The following SMC6 variants were observed in gnomAD, a reference collection of about 807,000 sequenced individuals.
SMC6 encodes structural maintenance of chromosomes protein 6.
A neutral mutation model predicts 142.2 loss-of-function variants in SMC6; 79 were observed. The ratio of observed to expected loss-of-function variants is 0.56; its 90% CI spans 0.46 to 0.67. The LOEUF (loss-of-function observed/expected upper bound fraction) is 0.67, where lower values mean the gene tolerates loss of function less well. Ranked by LOEUF, SMC6 falls within the 30% of genes least tolerant of loss-of-function variation. SMC6 has a pLI of 0.00. For missense variants in SMC6, 1,072 were observed against 1,284.0 expected (o/e 0.83, Z 2.52); for synonymous variants, 411 against 412.4 (o/e 1.00, Z 0.04).
chr2:17,686,469 G>A (rs1264313942), intron 23 of SMC6, among the ~76,000 whole-genome samples: 1 of 152,100 alleles, frequency 6.6e-6, no homozygotes, highest in Non-Finnish European at 1.5e-5. Context: ...GCAACAGAGT[G>A]AGACTCCGTC....
chr2:17,669,092 G>C (rs1412279415), intron 26 of SMC6, among the ~76,000 whole-genome samples: 2 of 152,184 alleles, frequency 1.3e-5, no homozygotes, highest in Admixed American at 6.5e-5. Flanking sequence ...AGAGACCAAA[G>C]AGCGGTCTTA....
At chr2:17,686,578 C>G (rs760050106) in intron 23 of SMC6, among the ~76,000 whole-genome samples, 1 of 152,150 alleles carries the variant, frequency 6.6e-6, no homozygotes, top group Non-Finnish European at 1.5e-5. Flanking sequence ...CCACACCTGA[C>G]CTCATGGGAC....
intron 15 of SMC6, 56 bp from the exon 16 acceptor site, chr2:17,715,121 A>G: frequency 1.3e-6 from 2 of 1,505,314 alleles, no homozygotes; most frequent in Non-Finnish European, 1.8e-6. Context: ...TGAAATATTA[A>G]CATCCTCCTC....
At chr2:17,698,579 T>A (rs971903111) in intron 21 of SMC6, among the ~76,000 whole-genome samples, 2 of 152,098 alleles carry the variant, frequency 1.3e-5, no homozygotes, top group East Asian at 3.8e-4. Context: ...ATATACCATT[T>A]TCCATCCTTT....
At chr2:17,666,596 C>T (rs1666506506) in intron 26 of SMC6, 79 bp from the exon 27 acceptor site, 7 of 999,102 alleles carry the variant, frequency 7.0e-6, no homozygotes, top group South Asian at 5.4e-5. Flanking sequence ...TGGGCTGATA[C>T]AAGCTCCTGG....
intron 25 of SMC6, among the ~76,000 whole-genome samples, chr2:17,672,736 C>T (rs1458156700): frequency 3.3e-5 from 5 of 152,146 alleles, no homozygotes; most frequent in Non-Finnish European, 5.9e-5. Context: ...TTCTCTCACT[C>T]GCCATTGTCA....
chr2:17,682,461 G>A (rs917238131), intron 24 of SMC6, among the ~76,000 whole-genome samples: 1 of 152,190 alleles, frequency 6.6e-6, no homozygotes, highest in Non-Finnish European at 1.5e-5. Context: ...AATCTGGGGA[G>A]GCAAAATAAA....
intron 25 of SMC6, among the ~76,000 whole-genome samples, chr2:17,672,012 T>A (rs1342516820): frequency 6.6e-6 from 1 of 152,126 alleles, no homozygotes; most frequent in Non-Finnish European, 1.5e-5. Flanking sequence ...AATATTAACA[T>A]TATTAATATT....
chr2:17,695,649 A>G (rs563940983), intron 22 of SMC6, among the ~76,000 whole-genome samples: 17 of 152,328 alleles, frequency 1.1e-4, no homozygotes, highest in South Asian at 2.1e-4. Context: ...CTGAGCACCA[A>G]TGGTATTAAA....
intron 5 of SMC6, among the ~76,000 whole-genome samples, chr2:17,737,037 C>T (rs150081733): frequency 9.9e-4 from 151 of 152,178 alleles, no homozygotes; most frequent in African/African-American, 1.9e-3. Context: ...GAGAGGAAGA[C>T]TTTGCTGGAC....
At chr2:17,731,054 C>A (rs1375968433) in intron 7 of SMC6, 24 bp downstream of exon 7, 12 of 1,587,736 alleles carry the variant, frequency 7.6e-6, no homozygotes, top group Admixed American at 1.7e-5. Flanking sequence ...ATGAATTAAT[C>A]TGAAACACAA....
chr2:17,741,848 GAAT>G, intron 3 of SMC6, 119 bp from the exon 4 acceptor site: 1 of 586,942 alleles, frequency 1.7e-6, no homozygotes, highest in Non-Finnish European at 3.0e-6. Flanking sequence ...TACAGAAAGT[GAAT>G]AATGGTAACT....
intron 26 of SMC6, among the ~76,000 whole-genome samples, chr2:17,668,774 T>C (rs1666620616): frequency 6.6e-6 from 1 of 152,016 alleles, no homozygotes; most frequent in East Asian, 1.9e-4. Context: ...GGCACCATGT[T>C]TGGAGAATTA....
chr2:17,731,285 G>C (rs1034159150), intron 6 of SMC6, 146 bp from the exon 7 acceptor site: 3 of 610,502 alleles, frequency 4.9e-6, no homozygotes, highest in Non-Finnish European at 8.5e-6. Context: ...AAATATGAAT[G>C]AACATGGCAC....
chr2:17,690,130 A>C (rs1667636109), intron 23 of SMC6, among the ~76,000 whole-genome samples: 1 of 152,232 alleles, frequency 6.6e-6, no homozygotes, highest in Admixed American at 6.5e-5. Context: ...CTTTATAACT[A>C]ATAGAGAAAT....
intron 16 of SMC6, chr2:17,713,480 C>A (rs567068203): frequency 4.2e-6 from 2 of 471,110 alleles, no homozygotes; most frequent in East Asian, 6.9e-5. Context: ...CTGGGACACA[C>A]AATGTGCCAG....
At position 17,707,241 on chromosome 2, in the gene SMC6, T is replaced by C. The variant is rs746363577; in HGVS notation, c.1984A>G (p.Arg662Gly). ...SENTRPKFLSRDVDSEISDLE... is the reference protein window; with the variant it reads ...SENTRPKFLSGDVDSEISDLE... Reference sequence around the variant, plus strand: ...AACCTTATTTCAGAATCCACATCTCTGCTTAGGAACTTAGGTCTTGTATTT... The same window carrying C: ...AACCTTATTTCAGAATCCACATCTCCGCTTAGGAACTTAGGTCTTGTATTT... The change falls in exon 18 of 28, where the codon AGA becomes GGA. Residue 662 changes from arginine (R) to glycine (G), a missense_variant. Around this residue, in one of 3 missense-constraint regions of SMC6, gnomAD observed 994 missense variants for 1,153.2 expected, o/e 0.86. Transcript: ENST00000448223. 2.5e-6 allele frequency: 4 copies of C among 1,596,434 alleles called. No homozygotes were observed. The African/African-American group carries it at 4.1e-5, about 16-fold the overall frequency.
chr2:17,703,141 A>T lies in SMC6; in HGVS notation c.2142+16T>A. On this transcript the variant is annotated intron_variant, in intron 19 of 27. Transcript: ENST00000448223. ...TGAAAAAAACAAAAGAAGGTTTATT[A>T]TTATTATTTTTTTACCTTTAGTTCT... 7.7e-7 allele frequency: 1 copy of T among 1,305,976 alleles called. No homozygotes were observed. The highest frequency in any genetic ancestry group is 1.1e-6 in the Non-Finnish European group (1 of 949,888). The allele number at this position is 1,305,976 out of a possible 1,614,324, so 80.9% of individuals were successfully genotyped here. A position where few individuals can be genotyped will look rare whatever the true frequency, so the allele number is the denominator to read the frequency against.
At chr2:17,711,474 G>A (rs1668822190) in intron 16 of SMC6, among the ~76,000 whole-genome samples, 1 of 151,832 alleles carries the variant, frequency 6.6e-6, no homozygotes, top group South Asian at 2.1e-4. Context: ...AGGCCTCACT[G>A]GTAAGCGGAG....
Sources: gnomAD v4.1 joint callset for allele counts (sites outside exome capture counted in the v4.1 genomes callset) on GRCh38, gnomAD v4.1.1 for gene constraint, gnomAD v4.1.1 regional missense constraint, MANE v1.5 for transcripts, NCBI Gene and HGNC (gene_info 2026-07-23, HGNC 2026-07-21) for gene names.